The following SAMMSON variants were observed in gnomAD, a reference collection of about 807,000 sequenced individuals.
SAMMSON encodes the protein survival associated mitochondrial melanoma specific oncogenic non-coding RNA, also known as long intergenic non-protein coding RNA 1212.
intron 4 of SAMMSON, among the ~76,000 whole-genome samples, chr3:70,164,374 A>T (rs943968260): frequency 2.6e-5 from 4 of 152,042 alleles, no homozygotes; most frequent in Admixed American, 2.6e-4. Flanking sequence ...AATGGCTATC[A>T]TCCAAAGAGG....
At chr3:70,295,744 G>A (rs537662640) in intron 7 of SAMMSON, among the ~76,000 whole-genome samples, 5 of 152,234 alleles carry the variant, frequency 3.3e-5, no homozygotes, top group African/African-American at 9.6e-5. Context: ...ATATTTTAAA[G>A]TGCTGTATCT....
downstream of SAMMSON, among the ~76,000 whole-genome samples, chr3:70,392,393 C>T (rs1701057012): frequency 6.6e-6 from 1 of 152,138 alleles, no homozygotes; most frequent in Non-Finnish European, 1.5e-5. Flanking sequence ...CCTGGCTTTA[C>T]CTGACTCCAA....
chr3:70,281,505 C>T (rs1702082933), intron 6 of SAMMSON, among the ~76,000 whole-genome samples: 1 of 152,162 alleles, frequency 6.6e-6, no homozygotes, highest in African/African-American at 2.4e-5. Flanking sequence ...CTTAAAGTCT[C>T]TTTAATAGTA....
chr3:70,358,885 G>A lies in SAMMSON; in HGVS notation n.913+561G>A, dbSNP rs1405115212. ...GAGAGTGATGAAAATGTCAGTTGTCGTAACAGAATTTATGGCTTTGGTTTT... is the reference window on the plus strand; with the variant it reads ...GAGAGTGATGAAAATGTCAGTTGTCATAACAGAATTTATGGCTTTGGTTTT... On this transcript the variant is annotated intron_variant and non_coding_transcript_variant, in intron 9 of 9. Transcript: ENST00000642114. 3.9e-5 allele frequency among the ~76,000 whole-genome samples: 6 copies of A among 152,036 alleles called. 1 individual carries two copies. Among genetic ancestry groups the A allele is most frequent in the Middle Eastern group, 6.3e-3 (2 of 316 alleles).
chr3:70,273,428 C>A (rs1420262900), intron 6 of SAMMSON, among the ~76,000 whole-genome samples: 1 of 152,182 alleles, frequency 6.6e-6, no homozygotes, highest in African/African-American at 2.4e-5. Flanking sequence ...AGAATTGTTT[C>A]TCTCCAGGAG....
chr3:70,340,842 T>C (rs1702706098), intron 7 of SAMMSON, among the ~76,000 whole-genome samples: 1 of 152,108 alleles, frequency 6.6e-6, no homozygotes, highest in Non-Finnish European at 1.5e-5. Flanking sequence ...TAAGAAATCA[T>C]AGTACAACTA....
intron 3 of SAMMSON, among the ~76,000 whole-genome samples, chr3:70,053,180 T>C (rs2067152759): frequency 6.6e-6 from 1 of 152,142 alleles, no homozygotes; most frequent in African/African-American, 2.4e-5. Flanking sequence ...ACTTTTCTTC[T>C]TTACAGGGAG....
intron 4 of SAMMSON, among the ~76,000 whole-genome samples, chr3:70,091,490 T>G (rs143400154): frequency 3.5e-4 from 53 of 152,314 alleles, no homozygotes; most frequent in African/African-American, 1.1e-3. Context: ...TTATGGCACA[T>G]TGATAATTCG....
intron 2 of SAMMSON, among the ~76,000 whole-genome samples, chr3:70,409,062 A>G (rs932223664): frequency 1.3e-5 from 2 of 152,130 alleles, no homozygotes; most frequent in Admixed American, 1.3e-4. Flanking sequence ...AGCATGAGGG[A>G]AACCACCCCC....
At chr3:70,369,927 G>C (rs935030593) in intron 9 of SAMMSON, among the ~76,000 whole-genome samples, 1 of 151,718 alleles carries the variant, frequency 6.6e-6, no homozygotes, top group African/African-American at 2.4e-5. Context: ...CAATCTAACT[G>C]TAGTTTGTAC....
intron 3 of SAMMSON, among the ~76,000 whole-genome samples, chr3:70,051,523 A>G (rs1025126341): frequency 6.6e-6 from 1 of 150,876 alleles, no homozygotes; most frequent in Non-Finnish European, 1.5e-5. Context: ...AAACATCCAT[A>G]CAATGAAATA....
intron 3 of SAMMSON, among the ~76,000 whole-genome samples, chr3:70,036,135 C>A (rs1388649): frequency 0.53 from 80,238 of 151,696 alleles, 22,121 homozygotes; most frequent in East Asian, 0.73. Context: ...TATATAAAAC[C>A]CTAAAAGGTG....
chr3:70,020,326 A>T (rs1402525315), intron 3 of SAMMSON, among the ~76,000 whole-genome samples: 3 of 152,182 alleles, frequency 2.0e-5, no homozygotes, highest in African/African-American at 7.2e-5. Context: ...CAACAGGAAC[A>T]TGGGTCTTCA....
chr3:70,322,826 A>C (rs979145830), intron 7 of SAMMSON, among the ~76,000 whole-genome samples: 2 of 152,288 alleles, frequency 1.3e-5, no homozygotes, highest in East Asian at 3.9e-4. Flanking sequence ...ATTAGAAAAG[A>C]ATATCAGTGT....
At chr3:70,416,082 T>A (rs953199330) in intron 2 of SAMMSON, among the ~76,000 whole-genome samples, 2 of 152,182 alleles carry the variant, frequency 1.3e-5, no homozygotes, top group Non-Finnish European at 2.9e-5. Flanking sequence ...GGCATATAAG[T>A]ATTTGTAGCT....
intron 3 of SAMMSON, among the ~76,000 whole-genome samples, chr3:70,029,726 A>G (rs917055382): frequency 3.3e-5 from 5 of 150,620 alleles, no homozygotes; most frequent in Non-Finnish European, 7.4e-5. Flanking sequence ...GTGCATTCCA[A>G]TCTGCGTGAC....
rs550233062 is a variant in SAMMSON, at chr3:70,381,492, A to T, written n.914-8082A>T. On this transcript the variant is annotated intron_variant and non_coding_transcript_variant, in intron 9 of 9. Transcript: ENST00000642114. ...GCCAATTTGTAACTTTACAAGAGAG[A>T]TATTAGATTGTTGCTTCATGAACCT... is the stretch of plus-strand genomic sequence containing the variant. Among the ~76,000 whole-genome samples, 3 of 152,314 alleles carry T rather than the reference A, an allele frequency of 2.0e-5. No individual in the cohort carries two copies. In the South Asian group the frequency reaches 6.2e-4, roughly 32 times the overall value.
chr3:70,116,061 A>G (rs538932464), intron 4 of SAMMSON, among the ~76,000 whole-genome samples: 2 of 152,232 alleles, frequency 1.3e-5, no homozygotes, highest in South Asian at 4.1e-4. Flanking sequence ...TTCATTGCAA[A>G]AGTTTTGCAC....
At chr3:70,005,219 G>A (rs2066922051) in intron 1 of SAMMSON, among the ~76,000 whole-genome samples, 1 of 151,972 alleles carries the variant, frequency 6.6e-6, no homozygotes, top group South Asian at 2.1e-4. Context: ...TATCCCTCCT[G>A]CCCTTGTTTA....
Sources: allele counts gnomAD v4.1 joint callset (sites outside exome capture counted in the v4.1 genomes callset), GRCh38; gene constraint gnomAD v4.1.1; transcripts MANE v1.5; gene names NCBI Gene and HGNC (gene_info 2026-07-23, HGNC 2026-07-21).